INSL6: variants seen among roughly 807,000 people sequenced by gnomAD.
The protein encoded by INSL6 is insulin like 6.
In INSL6, 16 loss-of-function variants were observed where a neutral mutation model predicts 9.4. That is an observed-to-expected ratio of 1.70 (90% confidence interval 1.15 to 2.59). INSL6 has a LOEUF of 2.59. Ranked by LOEUF, INSL6 falls within the 30% of genes most tolerant of loss-of-function variation. The probability of loss-of-function intolerance (pLI) is 0.00; values close to 1 mark genes in which losing one functional copy is unlikely to be tolerated. For synonymous variants in INSL6, 154 were observed against 96.9 expected (o/e 1.59, Z -3.46); for missense variants, 391 against 257.3 (o/e 1.52, Z -3.56).
intron 2 of INSL6, among the ~76,000 whole-genome samples, chr9:5,157,065 T>C (rs1477506593): frequency 6.6e-6 from 1 of 152,098 alleles, no homozygotes; most frequent in Admixed American, 6.6e-5. Context: ...TAACAACATA[T>C]GTATTATAAC....
chr9:5,173,399 C>T (rs7036034), intron 1 of INSL6, among the ~76,000 whole-genome samples: 57,163 of 152,004 alleles, frequency 0.38, 12,066 homozygotes, highest in African/African-American at 0.59. Flanking sequence ...GAAAATGTGG[C>T]ACATATACAC....
the INSL6 span, among the ~76,000 whole-genome samples, chr9:5,031,581 CA>C: frequency 6.6e-6 from 1 of 152,056 alleles, no homozygotes; most frequent in African/African-American, 2.4e-5. Context: ...GATTAAAGAT[CA>C]GATTGATATG....
At chr9:5,134,495 C>G (rs1388198573) in intron 2 of INSL6, among the ~76,000 whole-genome samples, 1 of 152,230 alleles carries the variant, frequency 6.6e-6, no homozygotes, top group Non-Finnish European at 1.5e-5. Flanking sequence ...GCGGATCTCT[C>G]TGCAGAAACC....
At chr9:5,124,481 C>A (rs144764409) in exon 4 of INSL6, among the ~76,000 whole-genome samples, 15 of 151,770 alleles carry the variant, frequency 9.9e-5, no homozygotes, top group South Asian at 4.1e-4. Flanking sequence ...TCCCATACTG[C>A]GCAAAGCAAT....
chr9:5,129,436 T>C (rs1185168080), intron 3 of INSL6, among the ~76,000 whole-genome samples: 3 of 152,134 alleles, frequency 2.0e-5, no homozygotes, highest in African/African-American at 7.2e-5. Flanking sequence ...ATGAACACTG[T>C]TGTATCCCAT....
the INSL6 span, chr9:5,041,286 C>T: frequency 9.8e-7 from 1 of 1,024,992 alleles, no homozygotes; most frequent in South Asian, 1.4e-5. Flanking sequence ...AAGGGGTACA[C>T]TGGTCTCAGG....
At chr9:5,110,717 C>T in the INSL6 span, 7 of 348,860 alleles carry the variant, frequency 2.0e-5, no homozygotes, top group Non-Finnish European at 3.9e-5. Flanking sequence ...ACCTCCTTAA[C>T]TGCTGGCTAT....
At chr9:5,017,874 C>T in the INSL6 span, among the ~76,000 whole-genome samples, 1 of 152,260 alleles carries the variant, frequency 6.6e-6, no homozygotes, top group African/African-American at 2.4e-5. Flanking sequence ...ATCCCTTTAT[C>T]ATTCTAGAAT....
chr9:5,062,353 A>C, the INSL6 span, among the ~76,000 whole-genome samples: 1 of 152,052 alleles, frequency 6.6e-6, no homozygotes, highest in Non-Finnish European at 1.5e-5. Flanking sequence ...ATCACAAATC[A>C]CCGTAACAGG....
At chr9:5,070,637 A>G in the INSL6 span, among the ~76,000 whole-genome samples, 23 of 152,146 alleles carry the variant, frequency 1.5e-4, no homozygotes, top group African/African-American at 4.3e-4. Context: ...GCTGGAATGC[A>G]GAAATACTAT....
chr9:5,031,208 C>T, the INSL6 span, among the ~76,000 whole-genome samples: 1 of 152,142 alleles, frequency 6.6e-6, no homozygotes, highest in Non-Finnish European at 1.5e-5. Flanking sequence ...GAATTTGACA[C>T]ATTACTATGT....
chr9:5,033,606 A>C, the INSL6 span, among the ~76,000 whole-genome samples: 238 of 152,306 alleles, frequency 1.6e-3, 4 homozygotes, highest in East Asian at 0.042. Flanking sequence ...AAAGAAAAGA[A>C]TTTTCAACCC....
chr9:5,153,672 T>TAC (rs1824758753), intron 2 of INSL6, among the ~76,000 whole-genome samples: 1 of 152,170 alleles, frequency 6.6e-6, no homozygotes, highest in Admixed American at 6.5e-5. Flanking sequence ...AGCATTCTTA[T>TAC]ACACCAATAA....
chr9:5,024,212 C>CG, the INSL6 span, among the ~76,000 whole-genome samples: 1 of 152,064 alleles, frequency 6.6e-6, no homozygotes, highest in Non-Finnish European at 1.5e-5. Flanking sequence ...GCCGAGATTG[C>CG]GCCACTGCAC....
At chr9:4,993,005 G>C in the INSL6 span, among the ~76,000 whole-genome samples, 4 of 152,266 alleles carry the variant, frequency 2.6e-5, no homozygotes, top group East Asian at 5.8e-4. Context: ...ATTTGTAAGA[G>C]TAGCTTTCTG....
the INSL6 span, chr9:5,108,907 C>G: frequency 6.6e-6 from 1 of 152,144 alleles, no homozygotes; most frequent in Non-Finnish European, 1.5e-5. Context: ...TTCTGCCTAG[C>G]AAATTCCAAC....
chr9:5,129,728 G>A (rs994213308), intron 3 of INSL6, among the ~76,000 whole-genome samples: 4 of 152,150 alleles, frequency 2.6e-5, no homozygotes, highest in East Asian at 1.9e-4. Flanking sequence ...GCTGCTAAGC[G>A]TTTCATAATT....
At chr9:5,152,406 C>G (rs1041042317) in intron 2 of INSL6, among the ~76,000 whole-genome samples, 2 of 152,000 alleles carry the variant, frequency 1.3e-5, no homozygotes, top group African/African-American at 4.8e-5. Context: ...AGAAAGATAT[C>G]TAGTAAATAC....
the INSL6 span, chr9:5,054,507 T>G: frequency 4.3e-6 from 6 of 1,408,250 alleles, no homozygotes; most frequent in African/African-American, 8.6e-5. The surrounding 1 kb of genome is among the most constrained non-coding windows in gnomAD (Gnocchi z 4.9). Context: ...ATTTTTAGAT[T>G]TATCTTCCAA....
Sources: allele counts gnomAD v4.1 joint callset (sites outside exome capture counted in the v4.1 genomes callset), GRCh38; gene constraint gnomAD v4.1.1; non-coding constraint Gnocchi (gnomAD v3.1); transcripts MANE v1.5; gene names NCBI Gene and HGNC (gene_info 2026-07-23, HGNC 2026-07-21).